The following ZMIZ2 variants were observed in gnomAD, a reference collection of about 807,000 sequenced individuals.
ZMIZ2 encodes the protein zinc finger MIZ-type containing 2.
ZMIZ2 carries 26 observed loss-of-function variants against 93.9 expected under a neutral mutation model. The observed-to-expected ratio is 0.28, with a 90% CI of 0.20 to 0.38. ZMIZ2 has a LOEUF of 0.38. ZMIZ2 is among the 10% of genes least tolerant of loss of function. The pLI is 1.00. For synonymous variants in ZMIZ2, 485 were observed against 516.4 expected (o/e 0.94, Z 0.82); for missense variants, 1,023 against 1,235.0 (o/e 0.83, Z 2.57).
rs1791555075 is a variant in ZMIZ2 at position 44,764,966 on chromosome 7, G to A, written c.1954G>A (p.Glu652Lys). The change falls in exon 15 of 19, where the codon GAG (glutamate) becomes AAG (lysine). Residue 652 changes from glutamate to lysine, a missense_variant. Physicochemically the swap from Glu to Lys is moderately conservative, Grantham distance 56. Coordinates refer to ENST00000309315, the MANE Select transcript of ZMIZ2 (RefSeq NM_031449.4). ...CAAGACAGCTTTGCTGGAGGGCCTG[G>A]AGGTGGACCAGTACATGCTGGGCAT... ...CNKTALLEGL[E>K]VDQYMLGILI... 6.2e-7 allele frequency: 1 copy of A among 1,614,216 alleles called. No homozygotes were observed.
rs769509916 is a variant in ZMIZ2, at chr7:44,758,010, C to A, written c.715C>A (p.Pro239Thr). The A allele has an allele frequency of 1.2e-6, 2 of 1,612,196 alleles. No individual in the cohort carries two copies. Among genetic ancestry groups the A allele is most frequent in the East Asian group, 2.2e-5 (1 of 44,836 alleles). ...CCCCACCCGGGCAGCAGGAATGACA[C>A]CCTTGTATGCAGGGCAGCGTCTGCC... Reference protein sequence around the residue: ...MNPTRAAGMTPLYAGQRLPQH... With the variant: ...MNPTRAAGMTTLYAGQRLPQH... Residue 239 changes from proline (P) to threonine (T), a missense_variant, in exon 6 of 19, where the codon CCC becomes ACC. Transcript: ENST00000309315.
chr7:44,763,590 A>G lies in ZMIZ2; in HGVS notation c.1860+177A>G, dbSNP rs1562743648. On this transcript the variant is annotated intron_variant, in intron 13 of 18. Coordinates refer to ENST00000309315, the MANE Select transcript of ZMIZ2 (RefSeq NM_031449.4). The surrounding 1 kb of genome is among the most constrained non-coding windows in gnomAD (Gnocchi z 5.6). ...GGCCTGGCTCCCCCAAGACTAGGCT[A>G]TTTTTTCTTCCAAATATAATTGTCA... 2 of 743,520 alleles carry G rather than the reference A, an allele frequency of 2.7e-6. No individual in the cohort carries two copies. Among genetic ancestry groups the G allele is most frequent in the Non-Finnish European group, 2.1e-6 (1 of 477,880 alleles). The allele number at this position is 743,520 out of a possible 1,614,324, so 46.1% of individuals were successfully genotyped here.
At chr7:44,752,281 C>T (rs527447175) in intron 1 of ZMIZ2, among the ~76,000 whole-genome samples, 24 of 152,210 alleles carry the variant, frequency 1.6e-4, no homozygotes, top group South Asian at 1.5e-3. Flanking sequence ...GCGCCCACCA[C>T]TACGCCCGGT....
At chr7:44,758,818 G>A (rs1348302862) in intron 6 of ZMIZ2, among the ~76,000 whole-genome samples, 3 of 151,616 alleles carry the variant, frequency 2.0e-5, no homozygotes, top group Non-Finnish European at 2.9e-5. Flanking sequence ...GGAGGCTGAG[G>A]CAGGAGAATT....
rs1380472347 is a variant in ZMIZ2 at position 44,761,234 on chromosome 7, C to T, written c.1241-215C>T. 6.6e-6 allele frequency among the ~76,000 whole-genome samples: 1 copy of T among 152,218 alleles called. No homozygotes were observed. The highest frequency in any genetic ancestry group is 2.4e-5 in the African/African-American group (1 of 41,464). On this transcript the variant is annotated intron_variant, in intron 9 of 18. Transcript: ENST00000309315. The surrounding 1 kb of genome is among the most constrained non-coding windows in gnomAD (Gnocchi z 5.8). Reference sequence around the variant, plus strand: ...TGCTGAGGCAGGAGGCAAGACAGAACATCACGACCGAATGCCCAGGCCTCA... The same window carrying T: ...TGCTGAGGCAGGAGGCAAGACAGAATATCACGACCGAATGCCCAGGCCTCA...
chr7:44,754,264 G>C lies in ZMIZ2; in HGVS notation c.-62-1924G>C, dbSNP rs146681625. 4.8e-3 allele frequency among the ~76,000 whole-genome samples: 738 copies of C among 152,226 alleles called. 5 individuals carry two copies. Among genetic ancestry groups the C allele is most frequent in the African/African-American group, 0.017 (699 of 41,532 alleles). On this transcript the variant is annotated intron_variant, in intron 1 of 18. Coordinates refer to ENST00000309315, the MANE Select transcript of ZMIZ2 (RefSeq NM_031449.4). The stretch of plus-strand genomic sequence containing the variant: ...CATCTCAGCTCCCAGGCCTGTTCTT[G>C]CCTAGAGTCCAGGTGCCTGGAGCCT...
rs923960774 is a variant in ZMIZ2, at chr7:44,752,213, C to T, written c.-63+3222C>T. Among the ~76,000 whole-genome samples the T allele has an allele frequency of 4.0e-5, 6 of 151,748 alleles. No individual in the cohort carries two copies. In the South Asian group the frequency reaches 8.3e-4, roughly 21 times the overall value. On this transcript the variant is annotated intron_variant, in intron 1 of 18. Coordinates refer to ENST00000309315, the MANE Select transcript of ZMIZ2 (RefSeq NM_031449.4). The stretch of plus-strand genomic sequence containing the variant: ...GGTGCGATCGGCTCACTGCAACCTC[C>T]ACCTCCTGGGTTCAAATGATTCTCC...
rs551024199 is a variant in ZMIZ2, at chr7:44,765,502, C to A, written c.2165C>A (p.Ala722Asp). 6.3e-7 allele frequency: 1 copy of A among 1,598,922 alleles called. No homozygotes were observed. The highest frequency in any genetic ancestry group is 1.1e-5 in the South Asian group (1 of 90,994). ...CCCAGCGTGATGGAGATGATCGCCG[C>A]CCTGGGCCCCGGCGCTGCCCCCTTT... ...LMPSVMEMIAALGPGAAPFAP... is the reference protein window; with the variant it reads ...LMPSVMEMIADLGPGAAPFAP... Residue 722 changes from alanine to aspartate, a missense_variant, in exon 16 of 19, where the codon GCC becomes GAC. By Grantham distance (126) the Ala-to-Asp change is moderately radical (BLOSUM62 -2). This residue lies in a region of ZMIZ2 where 319 missense variants were observed against 358.8 expected (regional missense o/e 0.89). Transcript: ENST00000309315. This position sits in a 1 kb window ranked among gnomAD's most constrained non-coding sequence, Gnocchi z 4.1.
intron 7 of ZMIZ2, 44 bp downstream of exon 7, chr7:44,759,504 G>T: frequency 7.2e-7 from 1 of 1,380,044 alleles, no homozygotes. Flanking sequence ...TCCGTGCTGA[G>T]TGCTGTGGGA....
Position 44,757,981 on chromosome 7 carries a change from T to C in ZMIZ2, c.686T>C (p.Met229Thr), listed in dbSNP as rs1790764621. The C allele has an allele frequency of 6.2e-7, 1 of 1,612,658 alleles. No individual in the cohort carries two copies. Among genetic ancestry groups the C allele is most frequent in the African/African-American group, 1.3e-5 (1 of 75,056 alleles). ...CCCTCTGGCCTCTCCCCCTTGGCTA[T>C]GAACCCCACCCGGGCAGCAGGAATG... ...MGPSGLSPLA[M>T]NPTRAAGMTP... The change falls in exon 6 of 19, where the codon ATG (methionine) becomes ACG (threonine). Residue 229 changes from methionine (M) to threonine (T), a missense_variant. Transcript: ENST00000309315.
Position 44,756,441 on chromosome 7 carries a change from T to C in ZMIZ2, c.67T>C (p.Tyr23His). 1.2e-6 allele frequency: 2 copies of C among 1,614,076 alleles called. No homozygotes were observed. The highest frequency in any genetic ancestry group is 1.7e-6 in the Non-Finnish European group (2 of 1,180,008). The change falls in exon 3 of 19, where the codon TAT (tyrosine) becomes CAT (histidine). Residue 23 changes from tyrosine to histidine, a missense_variant. Transcript: ENST00000309315. ...PAPHGDGSFAYESVPWQQSAT... is the reference protein window; with the variant it reads ...PAPHGDGSFAHESVPWQQSAT... Reference sequence around the variant, plus strand: ...TCCCTGCAGTGATGGTTCATTCGCATATGAGTCTGTGCCTTGGCAACAAAG... The same window carrying C: ...TCCCTGCAGTGATGGTTCATTCGCACATGAGTCTGTGCCTTGGCAACAAAG...
Position 44,767,647 on chromosome 7 carries a change from C to T in ZMIZ2, c.*24C>T, listed in dbSNP as rs370070291. 815 of 1,591,452 alleles carry T rather than the reference C, an allele frequency of 5.1e-4. 1 individual carries two copies. Among genetic ancestry groups the T allele is most frequent in the Non-Finnish European group, 5.5e-4 (638 of 1,159,700 alleles). ...GATCCTGTGTTTACCCCAAGCCCGGCGGGGACACGCTCACAGATGTCACCA... is the reference window on the plus strand; with the variant it reads ...GATCCTGTGTTTACCCCAAGCCCGGTGGGGACACGCTCACAGATGTCACCA... On this transcript the variant is annotated 3_prime_UTR_variant, in exon 19 of 19. Transcript: ENST00000309315.
chr7:44,765,777 G>A lies in ZMIZ2; in HGVS notation c.2242+198G>A. The A allele has an allele frequency of 1.9e-6, 2 of 1,032,024 alleles. No homozygotes were observed. Among genetic ancestry groups the A allele is most frequent in the African/African-American group, 1.6e-5 (1 of 61,882 alleles). The allele number at this position is 1,032,024 out of a possible 1,614,324, so 63.9% of individuals were successfully genotyped here. A position where few individuals can be genotyped will look rare whatever the true frequency, so the allele number is the denominator to read the frequency against. ...ACGTGGCGGTGAAGGCACAGTCTCA[G>A]CTATGGTCCCAGGAAACAGACAGTG... On this transcript the variant is annotated intron_variant, in intron 16 of 18. Coordinates refer to ENST00000309315, the MANE Select transcript of ZMIZ2 (RefSeq NM_031449.4). This position sits in a 1 kb window ranked among gnomAD's most constrained non-coding sequence, Gnocchi z 4.1.
Position 44,763,207 on chromosome 7 carries a change from C to T in ZMIZ2, c.1703-49C>T, listed in dbSNP as rs373483060. On this transcript the variant is annotated intron_variant, in intron 12 of 18. Coordinates refer to ENST00000309315, the MANE Select transcript of ZMIZ2 (RefSeq NM_031449.4). The surrounding 1 kb of genome is among the most constrained non-coding windows in gnomAD (Gnocchi z 5.6). ...CTCGTTGGCATCCCCATTCACACCTCCCCATCTTGGGGACCCTTTACTCAA... is the reference window on the plus strand; with the variant it reads ...CTCGTTGGCATCCCCATTCACACCTTCCCATCTTGGGGACCCTTTACTCAA... 1 of 1,596,900 alleles carries T rather than the reference C, an allele frequency of 6.3e-7. No homozygotes were observed. Among genetic ancestry groups the T allele is most frequent in the Non-Finnish European group, 8.6e-7 (1 of 1,168,364 alleles).
intron 1 of ZMIZ2, 125 bp downstream of exon 1, chr7:44,749,116 C>A: frequency 6.6e-6 from 1 of 152,002 alleles, no homozygotes; most frequent in South Asian, 2.0e-4. Flanking sequence ...TGTAGCTGGT[C>A]GCCCGGGGCG....
Position 44,762,970 on chromosome 7 carries a change from G to A in ZMIZ2, c.1686G>A (p.Glu562=), listed in dbSNP as rs768443692. 1.7e-5 allele frequency: 28 copies of A among 1,612,882 alleles called. No homozygotes were observed. Among genetic ancestry groups the A allele is most frequent in the Non-Finnish European group, 2.4e-5 (28 of 1,179,358 alleles). ...GLLKKRLLPA[E]HCITKIKRNF... ...TCAAAAAGCGCCTCCTGCCTGCTGAGCACTGCATCACCAAGAGTGAGTGGC... is the reference window on the plus strand; with the variant it reads ...TCAAAAAGCGCCTCCTGCCTGCTGAACACTGCATCACCAAGAGTGAGTGGC... The change falls in exon 12 of 19, where the codon GAG becomes GAA. Residue 562 remains glutamate (E), a synonymous_variant. Transcript: ENST00000309315.
chr7:44,764,838 C>A, intron 14 of ZMIZ2, 103 bp from the exon 15 acceptor site: 2 of 1,238,094 alleles, frequency 1.6e-6, no homozygotes, highest in Non-Finnish European at 1.1e-6. Context: ...CACAGGATTG[C>A]CTCATGCAGG....
intron 1 of ZMIZ2, among the ~76,000 whole-genome samples, chr7:44,749,366 T>A (rs1180672445): frequency 3.3e-5 from 5 of 152,112 alleles, no homozygotes; most frequent in African/African-American, 1.2e-4. Flanking sequence ...TCCAACCTGA[T>A]CGTTCCTAGC....
rs202189418 is a variant in ZMIZ2, at chr7:44,766,479, C to T, written c.2471C>T (p.Thr824Ile). The T allele has an allele frequency of 6.4e-5, 103 of 1,614,110 alleles. No homozygotes were observed. In the Middle Eastern group the frequency reaches 1.2e-3, roughly 18 times the overall value. ...AATCCTGGGACACCAGGACTACACA[C>T]CTCCAACCTTGGGGCCCCTCCAGGT... ...THNPGTPGLH[T>I]SNLGAPPGPQ... Residue 824 changes from threonine (T) to isoleucine (I), a missense_variant, in exon 18 of 19, where the codon ACC (threonine) becomes ATC (isoleucine). Around this residue, in one of 3 missense-constraint regions of ZMIZ2, gnomAD observed 319 missense variants for 358.8 expected, o/e 0.89. Coordinates refer to ENST00000309315, the MANE Select transcript of ZMIZ2 (RefSeq NM_031449.4). The surrounding 1 kb of genome is among the most constrained non-coding windows in gnomAD (Gnocchi z 4.4).
Sources: gnomAD v4.1 joint callset for allele counts (sites outside exome capture counted in the v4.1 genomes callset) on GRCh38, gnomAD v4.1.1 for gene constraint, gnomAD v4.1.1 regional missense constraint, Gnocchi (gnomAD v3.1) non-coding constraint, MANE v1.5 for transcripts, NCBI Gene and HGNC (gene_info 2026-07-23, HGNC 2026-07-21) for gene names.